Variants in RBM27 observed in about 807,000 individuals in gnomAD.
The protein encoded by RBM27 is RNA-binding protein 27.
Under a neutral mutation model 135.3 loss-of-function variants are expected in RBM27, and 22 were observed. That is an observed-to-expected ratio of 0.16 (90% CI 0.12 to 0.23). The LOEUF is 0.23. RBM27 is among the 10% of genes least tolerant of loss of function. The probability of loss-of-function intolerance (pLI) is 1.00; values close to 1 mark genes in which losing one functional copy is unlikely to be tolerated. For missense variants in RBM27, 1,009 were observed against 1,281.0 expected, an observed-to-expected ratio of 0.79 and a Z score of 3.24; for synonymous variants, 481 against 442.4, an observed-to-expected ratio of 1.09 and a Z score of -1.10.
At chr5:146,281,553 GA>G (rs951765079) in intron 19 of RBM27, among the ~76,000 whole-genome samples, 2 of 151,304 alleles carry the variant, frequency 1.3e-5, no homozygotes, top group South Asian at 2.1e-4. Context: ...TGATGAACAG[GA>G]AAAAAAAATC....
chr5:146,261,753 C>G lies in RBM27; in HGVS notation c.2137C>G (p.Gln713Glu). The G allele has an allele frequency of 6.2e-7, 1 of 1,614,200 alleles. No homozygotes were observed. Among genetic ancestry groups the G allele is most frequent in the Non-Finnish European group, 8.5e-7 (1 of 1,180,012 alleles). ...HHLPQHLHQQ[Q>E]VLVAQSAPST... is the part of the protein sequence containing the mutation. ...CCTGCCACAGCATCTACATCAGCAG[C>G]AGGTGCTAGTGGCCCAGTCTGCTCC... Residue 713 changes from glutamine (Q) to glutamate (E), a missense_variant, in exon 13 of 21, where the codon CAG becomes GAG. Physicochemically the swap from Gln to Glu is conservative, Grantham distance 29. Coordinates refer to ENST00000265271, the MANE Select transcript of RBM27 (RefSeq NM_018989.2).
chr5:146,269,766 T>TTA (rs1758782958), intron 17 of RBM27, among the ~76,000 whole-genome samples, 182 bp downstream of exon 17: 2 of 147,312 alleles, frequency 1.4e-5, no homozygotes, highest in Non-Finnish European at 3.0e-5. Flanking sequence ...TTTTTTTTTT[T>TTA]AAGAGACAAG....
rs1318204356 is a variant in RBM27 at position 146,229,809 on chromosome 5, G to C, written c.488G>C (p.Arg163Thr). The C allele has an allele frequency of 2.5e-6, 4 of 1,613,918 alleles. No homozygotes were observed. Among genetic ancestry groups the C allele is most frequent in the Admixed American group, 1.7e-5 (1 of 59,988 alleles). ...NELYREKYDWRRGRSKSRSKS... is the reference protein window; with the variant it reads ...NELYREKYDWTRGRSKSRSKS... ...TTGTACCGTGAGAAGTATGACTGGA[G>C]AAGAGGCAGGAGTAAGAGTCGGAGT... Residue 163 changes from arginine (R) to threonine (T), a missense_variant, in exon 5 of 21, where the codon AGA (arginine) becomes ACA (threonine). Arg to Thr is a moderately conservative substitution (Grantham distance 71, BLOSUM62 -1). This residue lies in a region of RBM27 where 268 missense variants were observed against 326.6 expected (regional missense o/e 0.82). Transcript: ENST00000265271.
chr5:146,205,356 AG>A (rs1264058868), intron 1 of RBM27, among the ~76,000 whole-genome samples: 1 of 152,132 alleles, frequency 6.6e-6, no homozygotes, highest in Non-Finnish European at 1.5e-5. Flanking sequence ...CTTGAAAGAA[AG>A]GGGTAGAAGA....
rs769452583 is a variant in RBM27 at position 146,267,659 on chromosome 5, C to T, written c.2342C>T (p.Thr781Ile). The T allele has an allele frequency of 3.9e-6, 6 of 1,536,740 alleles. No individual in the cohort carries two copies. The Admixed American group carries it at 8.8e-5, about 23-fold the overall frequency. The change falls in exon 15 of 21, where the codon ACT becomes ATT. Residue 781 changes from threonine (T) to isoleucine (I), a missense_variant. Transcript: ENST00000265271. The stretch of plus-strand genomic sequence containing the variant: ...TTCTTTATTTTTTAGATATTTTCAA[C>T]TCCAGGCCATCCAAAAATGATTTAC... ...GAGEDCQIFS[T>I]PGHPKMIYSS...
At chr5:146,260,425 T>C (rs543711570) in intron 11 of RBM27, among the ~76,000 whole-genome samples, 1 of 152,322 alleles carries the variant, frequency 6.6e-6, no homozygotes, top group Non-Finnish European at 1.5e-5. Flanking sequence ...GGTCTTACTA[T>C]GTTCCCCAGA....
At chr5:146,261,275 G>T in intron 12 of RBM27, 1 of 583,402 alleles carries the variant, frequency 1.7e-6, no homozygotes, top group Non-Finnish European at 3.0e-6. Flanking sequence ...GAGGGGGTCA[G>T]GGCAGATCTC....
At chr5:146,270,580 GGTAGTAATTAT>G (rs2126882811) in intron 17 of RBM27, among the ~76,000 whole-genome samples, 1 of 152,216 alleles carries the variant, frequency 6.6e-6, no homozygotes, top group Admixed American at 6.5e-5. Flanking sequence ...ATTCCAATCT[GGTAGTAATTAT>G]GTAGCTGTTA....
At position 146,263,730 on chromosome 5, in the gene RBM27, T is replaced by A. The variant is rs1433666915; in HGVS notation, c.2331+99T>A. The A allele has an allele frequency of 2.9e-6, 4 of 1,374,504 alleles. No individual in the cohort carries two copies. The African/African-American group carries it at 5.8e-5, about 20-fold the overall frequency. 85.1% of individuals were successfully genotyped at this position (1,374,504 alleles called of 1,614,324 possible). A position where few individuals can be genotyped will look rare whatever the true frequency, so the allele number is the denominator to read the frequency against. On this transcript the variant is annotated intron_variant, in intron 14 of 20. Transcript: ENST00000265271. ...AGACAGTGAAGACAGTTGTGACAGT[T>A]AACCTAAGTGTGGCAGGTATACCTC...
intron 1 of RBM27, among the ~76,000 whole-genome samples, chr5:146,206,876 C>T (rs1336934366): frequency 1.3e-5 from 2 of 152,168 alleles, no homozygotes; most frequent in East Asian, 3.9e-4. Flanking sequence ...AGCCTTTGTG[C>T]CTGGTCTAGA....
rs146898158 is a variant in RBM27, at chr5:146,217,169, G to C, written c.60-1816G>C. Among the ~76,000 whole-genome samples the C allele has an allele frequency of 6.0e-3, 905 of 151,822 alleles. 8 individuals carry two copies. The highest frequency in any genetic ancestry group is 0.021 in the African/African-American group (852 of 41,366). On this transcript the variant is annotated intron_variant, in intron 1 of 20. Coordinates refer to ENST00000265271, the MANE Select transcript of RBM27 (RefSeq NM_018989.2). ...TTTAGTAGAGACGGGGTTTCGTCAT[G>C]TTGTCCAGGCTGGTCTTGAACTCCT...
chr5:146,223,983 G>A (rs1418908883), intron 3 of RBM27, among the ~76,000 whole-genome samples: 1 of 152,138 alleles, frequency 6.6e-6, no homozygotes, highest in African/African-American at 2.4e-5. Context: ...TTTTAAAAAT[G>A]TTTTTATAAT....
At chr5:146,263,398 A>G (rs901305698) in intron 13 of RBM27, 93 bp from the exon 14 acceptor site, 1 of 1,287,416 alleles carries the variant, frequency 7.8e-7, no homozygotes, top group East Asian at 2.4e-5. Flanking sequence ...CCATTTTCTT[A>G]TCTTCTTCCC....
rs57117642 is a variant in RBM27, at chr5:146,211,464, C to CTTTTTTTTTTTTT, written c.60-7503_60-7491dup. ...CTTACTTTGTCCAGTATGGTCTTAT[C>CTTTTTTTTTTTTT]TTTTTTTTTTTTTTTTTTTTTTTTT... On this transcript the variant is annotated intron_variant, in intron 1 of 20. Coordinates refer to ENST00000265271, the MANE Select transcript of RBM27 (RefSeq NM_018989.2). 1.5e-3 allele frequency among the ~76,000 whole-genome samples: 77 copies of CTTTTTTTTTTTTT among 49,922 alleles called. 4 individuals carry two copies. The highest frequency in any genetic ancestry group is 2.7e-3 in the Admixed American group (7 of 2,572). 32.8% of individuals were successfully genotyped at this position (49,922 alleles called of 152,430 possible). A position where few individuals can be genotyped will look rare whatever the true frequency, so the allele number is the denominator to read the frequency against.
chr5:146,209,358 A>G (rs925188205), intron 1 of RBM27, among the ~76,000 whole-genome samples: 3 of 152,218 alleles, frequency 2.0e-5, no homozygotes, highest in Admixed American at 1.3e-4. Flanking sequence ...ATTGCTAGTC[A>G]AAGTCATAGA....
At chr5:146,282,985 A>T (rs1478671231) in intron 19 of RBM27, among the ~76,000 whole-genome samples, 1 of 152,220 alleles carries the variant, frequency 6.6e-6, no homozygotes, top group African/African-American at 2.4e-5. Context: ...AATAATGTAT[A>T]TGCAATACAT....
At chr5:146,258,126 C>G (rs1201597705) in intron 10 of RBM27, among the ~76,000 whole-genome samples, 1 of 152,096 alleles carries the variant, frequency 6.6e-6, no homozygotes, top group African/African-American at 2.4e-5. Context: ...GCCCAGAGCT[C>G]TCCATTGTAA....
At position 146,286,843 on chromosome 5, in the gene RBM27, T is replaced by C. The variant is rs1234591119; in HGVS notation, c.*813T>C. 6.6e-6 allele frequency: 1 copy of C among 152,438 alleles called. No individual in the cohort carries two copies. Among genetic ancestry groups the C allele is most frequent in the Non-Finnish European group, 1.5e-5 (1 of 68,050 alleles). 9.4% of individuals were successfully genotyped at this position (152,438 alleles called of 1,614,324 possible). The stretch of plus-strand genomic sequence containing the variant: ...TATTGCCCCTTTCTCGTCCCCCTTT[T>C]CTTCCTCTTGCCTTTCTATTAATAG... On this transcript the variant is annotated 3_prime_UTR_variant, in exon 21 of 21. Coordinates refer to ENST00000265271, the MANE Select transcript of RBM27 (RefSeq NM_018989.2).
intron 8 of RBM27, among the ~76,000 whole-genome samples, chr5:146,242,515 G>T (rs1458689112): frequency 2.6e-5 from 4 of 152,320 alleles, no homozygotes; most frequent in African/African-American, 9.6e-5. Context: ...AATTTATAGA[G>T]AAATTTTGAA....
Sources: allele counts gnomAD v4.1 joint callset (sites outside exome capture counted in the v4.1 genomes callset), GRCh38; gene constraint gnomAD v4.1.1; regional missense constraint gnomAD v4.1.1; transcripts MANE v1.5; gene names NCBI Gene and HGNC (gene_info 2026-07-23, HGNC 2026-07-21).